CETP: variants seen among roughly 807,000 people sequenced by gnomAD.
The protein encoded by CETP is cholesteryl ester transfer protein.
CETP carries 56 observed loss-of-function variants against 66.5 expected under a neutral mutation model. The ratio of observed to expected loss-of-function variants is 0.84; its 90% CI spans 0.68 to 1.05. The LOEUF (loss-of-function observed/expected upper bound fraction) is 1.05. Ranked by LOEUF, CETP falls within the 50% of genes least tolerant of loss-of-function variation. The probability of loss-of-function intolerance (pLI) is 0.00; values close to 1 mark genes in which losing one functional copy is unlikely to be tolerated. For synonymous variants in CETP, 251 were observed against 245.7 expected (o/e 1.02, Z -0.20); for missense variants, 612 against 609.6 (o/e 1.00, Z -0.04).
chr16:56,972,012 G>C lies in CETP; in HGVS notation c.679G>C (p.Asp227His). 1 of 1,614,160 alleles carries C rather than the reference G, an allele frequency of 6.2e-7. No individual in the cohort carries two copies. The highest frequency in any genetic ancestry group is 1.1e-5 in the South Asian group (1 of 91,080). ...TRAASILSDG[D>H]IGVDISLTGD... Reference sequence around the variant, plus strand: ...TGCAGCCAGCATCCTTTCAGATGGAGACATTGGGGTGGACATTTCCCTGAC... The same window carrying C: ...TGCAGCCAGCATCCTTTCAGATGGACACATTGGGGTGGACATTTCCCTGAC... Residue 227 changes from aspartate (D) to histidine (H), a missense_variant, in exon 8 of 16, where the codon GAC becomes CAC. Transcript: ENST00000200676.
rs2056091866 is a variant in CETP at position 56,969,443 on chromosome 16, GTCCATTGATGTC to G, written c.298_309del (p.Asp100_Ile103del). ...GCCAGGTGGAGCTGGTGGAAGCCAA[GTCCATTGATGTC>G]TCCATTCAGAACGTGTCTGTGGTCT... On this transcript the variant is annotated inframe_deletion, in exon 3 of 16. Coordinates refer to ENST00000200676, the MANE Select transcript of CETP (RefSeq NM_000078.3). 1 of 1,614,074 alleles carries G rather than the reference GTCCATTGATGTC, an allele frequency of 6.2e-7. No homozygotes were observed. Among genetic ancestry groups the G allele is most frequent in the African/African-American group, 1.3e-5 (1 of 74,918 alleles).
At chr16:56,962,617 C>A (rs1378972492) in intron 1 of CETP, among the ~76,000 whole-genome samples, 1 of 152,098 alleles carries the variant, frequency 6.6e-6, no homozygotes, top group Non-Finnish European at 1.5e-5. Context: ...GATACAATTT[C>A]TAAAATAGAG....
chr16:56,972,053 C>A lies in CETP; in HGVS notation c.720C>A (p.Ile240=). The change falls in exon 8 of 16, where the codon ATC becomes ATA. Residue 240 remains isoleucine, a synonymous_variant. Transcript: ENST00000200676. ...TTTCCCTGACAGGTGATCCCGTCAT[C>A]ACAGCCTCCTACCTGGAGTCCCATC... ...VDISLTGDPV[I]TASYLESHHK... The A allele has an allele frequency of 6.2e-7, 1 of 1,614,078 alleles. No individual in the cohort carries two copies. Among genetic ancestry groups the A allele is most frequent in the Non-Finnish European group, 8.5e-7 (1 of 1,179,942 alleles).
chr16:56,963,565 T>C (rs1490951506), intron 2 of CETP, among the ~76,000 whole-genome samples: 13 of 152,208 alleles, frequency 8.5e-5, no homozygotes, highest in African/African-American at 3.1e-4. Context: ...AAGCCTAAAA[T>C]TAGTATCTTG....
chr16:56,982,044 T>G, intron 13 of CETP, 121 bp from the exon 14 acceptor site: 1 of 935,592 alleles, frequency 1.1e-6, no homozygotes, highest in Non-Finnish European at 1.7e-6. Context: ...ACGGAGTGGG[T>G]TGGATGTATT....
chr16:56,974,265 C>A (rs2056134168), intron 9 of CETP, among the ~76,000 whole-genome samples: 2 of 152,070 alleles, frequency 1.3e-5, no homozygotes, highest in South Asian at 4.1e-4. Context: ...ATGGGGAGAC[C>A]CCTGTCTCTA....
chr16:56,981,207 T>G lies in CETP; in HGVS notation c.1196T>G (p.Leu399Ter). The G allele has an allele frequency of 6.2e-7, 1 of 1,613,676 alleles. No individual in the cohort carries two copies. Among genetic ancestry groups the G allele is most frequent in the Non-Finnish European group, 8.5e-7 (1 of 1,179,552 alleles). The change falls in exon 12 of 16, where the codon TTA becomes TGA. Residue 399 changes from leucine (L) to a stop codon, truncating the protein, a stop_gained. Coordinates refer to ENST00000200676, the MANE Select transcript of CETP (RefSeq NM_000078.3). LOFTEE classifies it high-confidence loss of function. ...QASYSKKKLFLSLLDFQITPK... is the reference protein window; with the variant it reads ...QASYSKKKLF The stretch of plus-strand genomic sequence containing the variant: ...TCCTATTCTAAGAAAAAGCTCTTCT[T>G]AAGCCTCTTGGATTTCCAGTATGTG...
At chr16:56,972,610 C>A (rs578130830) in intron 8 of CETP, among the ~76,000 whole-genome samples, 2 of 152,358 alleles carry the variant, frequency 1.3e-5, no homozygotes, top group South Asian at 4.1e-4. Flanking sequence ...GGCATGACCT[C>A]ATCCCAGGGT....
chr16:56,963,147 C>G (rs1596993540), intron 2 of CETP, 23 bp downstream of exon 2: 2 of 1,593,782 alleles, frequency 1.3e-6, no homozygotes, highest in East Asian at 4.5e-5. Flanking sequence ...TCGGGTGTGA[C>G]CAGGCTGGGG....
At chr16:56,978,500 A>G (rs12720890) in intron 11 of CETP, among the ~76,000 whole-genome samples, 12 of 152,084 alleles carry the variant, frequency 7.9e-5, no homozygotes, top group African/African-American at 2.9e-4. Context: ...TTTTTTTTAG[A>G]GACAGGGTCT....
Position 56,983,556 on chromosome 16 carries a change from C to T in CETP, c.1408-36C>T, listed in dbSNP as rs368743866. On this transcript the variant is annotated intron_variant, in intron 15 of 15. Transcript: ENST00000200676. Reference sequence around the variant, plus strand: ...CCTCCTGGTGGCCTGGGAGTCAGCCCAGCTCGCCCCTCTCTCCTACTGCCC... The same window carrying T: ...CCTCCTGGTGGCCTGGGAGTCAGCCTAGCTCGCCCCTCTCTCCTACTGCCC... 4.2e-5 allele frequency: 67 copies of T among 1,612,320 alleles called. No homozygotes were observed. The Middle Eastern group carries it at 1.2e-3, about 28-fold the overall frequency.
chr16:56,979,572 G>A lies in CETP; in HGVS notation c.1146+1317G>A, dbSNP rs146251160. ...GTCACCCAGGCTGGAGTGCAGTGGT[G>A]CAATCTCGGCTCACTGCAACCTCCA... On this transcript the variant is annotated intron_variant, in intron 11 of 15. Transcript: ENST00000200676. Among the ~76,000 whole-genome samples, 401 of 151,856 alleles carry A rather than the reference G, an allele frequency of 2.6e-3. 1 individual carries two copies. Among genetic ancestry groups the A allele is most frequent in the African/African-American group, 9.0e-3 (373 of 41,408 alleles).
chr16:56,962,337 G>C (rs1381038599), intron 1 of CETP: 2 of 719,062 alleles, frequency 2.8e-6, no homozygotes, highest in East Asian at 2.7e-5. Flanking sequence ...CCAGGTATAG[G>C]GATTTGTGTT....
chr16:56,981,129 C>A, intron 11 of CETP, 29 bp from the exon 12 acceptor site: 1 of 1,566,450 alleles, frequency 6.4e-7, no homozygotes, highest in Non-Finnish European at 8.8e-7. Context: ...AGAGCCCTGG[C>A]TCACAGCAAA....
rs1208210263 is a variant in CETP at position 56,982,137 on chromosome 16, G to A, written c.1249-28G>A. ...GTGGGTCACTTCTGTGCTCCAGGGA[G>A]GACTCACCATGGGCATTTGATTGGC... is the stretch of plus-strand genomic sequence containing the variant. On this transcript the variant is annotated intron_variant, in intron 13 of 15. Coordinates refer to ENST00000200676, the MANE Select transcript of CETP (RefSeq NM_000078.3). 1.7e-5 allele frequency: 27 copies of A among 1,608,616 alleles called. 1 individual carries two copies. The highest frequency in any genetic ancestry group is 2.3e-5 in the Non-Finnish European group (27 of 1,175,036).
At chr16:56,965,220 C>T (rs2056057611) in intron 2 of CETP, among the ~76,000 whole-genome samples, 1 of 152,194 alleles carries the variant, frequency 6.6e-6, no homozygotes, top group Admixed American at 6.5e-5. Context: ...GACCAGACTG[C>T]CATAGACTAG....
At chr16:56,968,171 G>A (rs1341713378) in intron 2 of CETP, among the ~76,000 whole-genome samples, 1 of 151,700 alleles carries the variant, frequency 6.6e-6, no homozygotes, top group African/African-American at 2.4e-5. Flanking sequence ...TTTTGATATA[G>A]ACCTGCAACG....
Position 56,961,969 on chromosome 16 carries a change from G to A in CETP, c.-11G>A. 6.2e-7 allele frequency: 1 copy of A among 1,611,504 alleles called. No homozygotes were observed. Among genetic ancestry groups the A allele is most frequent in the Non-Finnish European group, 8.5e-7 (1 of 1,177,810 alleles). ...CGGCTCGGGCCACTTACACACCACT[G>A]CCTGATAACCATGCTGGCTGCCACA... On this transcript the variant is annotated 5_prime_UTR_variant, in exon 1 of 16. Coordinates refer to ENST00000200676, the MANE Select transcript of CETP (RefSeq NM_000078.3).
At chr16:56,978,352 C>T (rs1272538970) in intron 11 of CETP, 97 bp downstream of exon 11, 3 of 1,404,956 alleles carry the variant, frequency 2.1e-6, no homozygotes, top group Non-Finnish European at 3.0e-6. Flanking sequence ...CCTCCAGATC[C>T]TTCTCACCAC....
Sources: gnomAD v4.1 joint callset for allele counts (sites outside exome capture counted in the v4.1 genomes callset) on GRCh38, gnomAD v4.1.1 for gene constraint, MANE v1.5 for transcripts, NCBI Gene and HGNC (gene_info 2026-07-23, HGNC 2026-07-21) for gene names.